CHIC2: variants seen among roughly 807,000 people sequenced by gnomAD.
CHIC2 encodes the protein cysteine rich hydrophobic domain 2.
In CHIC2, 14 loss-of-function variants were observed where a neutral mutation model predicts 25.9. That is an observed-to-expected ratio of 0.54 (90% confidence interval 0.36 to 0.85). CHIC2 has a LOEUF of 0.85. CHIC2 is among the 40% of genes least tolerant of loss of function. CHIC2 has a pLI of 0.01. For missense variants in CHIC2, 146 were observed against 202.0 expected (o/e 0.72, Z 1.68); for synonymous variants, 70 against 72.0 (o/e 0.97, Z 0.14).
At chr4:54,034,761 A>C (rs1377548802) in intron 3 of CHIC2, among the ~76,000 whole-genome samples, 1 of 152,170 alleles carries the variant, frequency 6.6e-6, no homozygotes, top group Admixed American at 6.5e-5. Context: ...CCTGGCTAGA[A>C]TCTCCAGAAT....
intron 3 of CHIC2, among the ~76,000 whole-genome samples, chr4:54,029,297 G>C (rs938573628): frequency 2.0e-5 from 3 of 152,030 alleles, no homozygotes; most frequent in African/African-American, 7.2e-5. Context: ...GTCTATCACT[G>C]TACATTAGAA....
chr4:54,064,071 C>T lies in CHIC2; in HGVS notation c.119+111G>A. 1.1e-6 allele frequency: 1 copy of T among 910,772 alleles called. No homozygotes were observed. Among genetic ancestry groups the T allele is most frequent in the Admixed American group, 2.6e-5 (1 of 37,876 alleles). The allele number at this position is 910,772 out of a possible 1,614,324, so 56.4% of individuals were successfully genotyped here. The stretch of plus-strand genomic sequence containing the variant: ...AGTTCTCACTTCCTGGTTGCCTACT[C>T]TTTCGGAAGGCCCCCGACACCAGAC... On this transcript the variant is annotated intron_variant, in intron 1 of 5. Coordinates refer to ENST00000263921, the MANE Select transcript of CHIC2 (RefSeq NM_012110.4). The surrounding 1 kb of genome is among the most constrained non-coding windows in gnomAD (Gnocchi z 4.2).
Position 54,064,591 on chromosome 4 carries a change from G to A in CHIC2, c.-291C>T. ...CGCCGCTGCCGCCGCCGCAGCAGCA[G>A]CAACTCAGGAAACCACAGCAACAGC... On this transcript the variant is annotated 5_prime_UTR_variant, in exon 1 of 6. Coordinates refer to ENST00000263921, the MANE Select transcript of CHIC2 (RefSeq NM_012110.4). The surrounding 1 kb of genome is among the most constrained non-coding windows in gnomAD (Gnocchi z 4.2). 3 of 1,241,770 alleles carry A rather than the reference G, an allele frequency of 2.4e-6. No individual in the cohort carries two copies. The highest frequency in any genetic ancestry group is 2.0e-6 in the Non-Finnish European group (2 of 989,888). The allele number at this position is 1,241,770 out of a possible 1,614,324, so 76.9% of individuals were successfully genotyped here. A position where few individuals can be genotyped will look rare whatever the true frequency, so the allele number is the denominator to read the frequency against.
At chr4:54,085,036 T>C in the CHIC2 span, among the ~76,000 whole-genome samples, 1 of 146,016 alleles carries the variant, frequency 6.8e-6, no homozygotes, top group South Asian at 2.2e-4. Context: ...TGAATTGATA[T>C]AAATAAAGTG....
At chr4:54,015,016 G>A (rs534051507) in intron 3 of CHIC2, among the ~76,000 whole-genome samples, 1 of 152,116 alleles carries the variant, frequency 6.6e-6, no homozygotes, top group Non-Finnish European at 1.5e-5. Context: ...GAAAATTTGC[G>A]TGTCAAGCAA....
At chr4:54,088,452 GA>G in the CHIC2 span, among the ~76,000 whole-genome samples, 1 of 152,056 alleles carries the variant, frequency 6.6e-6, no homozygotes, top group Non-Finnish European at 1.5e-5. Context: ...AAGCAAAAAA[GA>G]AAAAAGACAG....
chr4:54,018,604 G>A (rs1715810584), intron 3 of CHIC2, among the ~76,000 whole-genome samples: 1 of 151,794 alleles, frequency 6.6e-6, no homozygotes, highest in Non-Finnish European at 1.5e-5. Flanking sequence ...TAAAACCAAT[G>A]GAAATCTCAT....
At chr4:54,012,116 T>A (rs1388335064) in intron 5 of CHIC2, among the ~76,000 whole-genome samples, 1 of 151,886 alleles carries the variant, frequency 6.6e-6, no homozygotes, top group Admixed American at 6.6e-5. Flanking sequence ...CTCCCCAGCT[T>A]ATTATTATTT....
the CHIC2 span, among the ~76,000 whole-genome samples, chr4:54,075,760 G>T: frequency 6.6e-6 from 1 of 152,162 alleles, no homozygotes; most frequent in Non-Finnish European, 1.5e-5. Flanking sequence ...CACCATTTTG[G>T]CCAGGCTGGC....
At chr4:54,063,780 G>C (rs1412785033) in intron 1 of CHIC2, among the ~76,000 whole-genome samples, 1 of 152,232 alleles carries the variant, frequency 6.6e-6, no homozygotes, top group Non-Finnish European at 1.5e-5. Flanking sequence ...ACACGGCCCA[G>C]ATCTGGCCTC....
At chr4:54,082,774 AG>A in the CHIC2 span, among the ~76,000 whole-genome samples, 2 of 152,322 alleles carry the variant, frequency 1.3e-5, no homozygotes, top group Middle Eastern at 3.4e-3. Flanking sequence ...AGATTATACA[AG>A]TCCTTAGAGG....
chr4:54,048,889 A>T, intron 3 of CHIC2, 66 bp downstream of exon 3: 1 of 1,306,720 alleles, frequency 7.7e-7, no homozygotes, highest in South Asian at 1.7e-5. Flanking sequence ...AAAAATAAAA[A>T]CTAGATAAAT....
the CHIC2 span, among the ~76,000 whole-genome samples, chr4:54,083,018 C>CTTTTTTTTTTTTTTTT: frequency 2.5e-3 from 171 of 67,940 alleles, 1 homozygote; most frequent in Non-Finnish European, 2.9e-3. Context: ...TTCTTTCTTT[C>CTTTTTTTTTTTTTTTT]TTTTTTTTTT....
At chr4:54,035,092 C>T (rs970371941) in intron 3 of CHIC2, among the ~76,000 whole-genome samples, 2 of 152,158 alleles carry the variant, frequency 1.3e-5, no homozygotes, top group Non-Finnish European at 2.9e-5. Flanking sequence ...GGACAATGTA[C>T]TTGGCCATGT....
chr4:54,040,041 C>A (rs139028712), intron 3 of CHIC2, among the ~76,000 whole-genome samples: 70 of 152,010 alleles, frequency 4.6e-4, no homozygotes, highest in African/African-American at 1.7e-3. Flanking sequence ...TAAGAGTTGA[C>A]GAGGGTTCAA....
intron 3 of CHIC2, among the ~76,000 whole-genome samples, chr4:54,015,692 T>A (rs1715717367): frequency 6.6e-6 from 1 of 152,174 alleles, no homozygotes; most frequent in Non-Finnish European, 1.5e-5. Context: ...CTGTACTAGG[T>A]CTTTAGCACA....
At position 54,013,818 on chromosome 4, in the gene CHIC2, A is replaced by G. The variant is rs1715661717; in HGVS notation, c.447+19T>C. The stretch of plus-strand genomic sequence containing the variant: ...TGATCATTTAATAGAGAAACTCACA[A>G]AACAGCCCTTTAACTTACATATTCC... On this transcript the variant is annotated intron_variant, in intron 5 of 5. Transcript: ENST00000263921. The G allele has an allele frequency of 3.1e-6, 5 of 1,610,824 alleles. No homozygotes were observed. The highest frequency in any genetic ancestry group is 4.2e-6 in the Non-Finnish European group (5 of 1,177,738).
chr4:54,039,205 A>G (rs1026567789), intron 3 of CHIC2, among the ~76,000 whole-genome samples: 1 of 152,212 alleles, frequency 6.6e-6, no homozygotes, highest in African/African-American at 2.4e-5. Flanking sequence ...ATACAGCACA[A>G]AAGTACAATC....
At chr4:54,071,804 C>T in the CHIC2 span, among the ~76,000 whole-genome samples, 1 of 151,360 alleles carries the variant, frequency 6.6e-6, no homozygotes, top group East Asian at 1.9e-4. Context: ...GAAACCCTGT[C>T]TCTACTAAAA....
Sources: gnomAD v4.1 joint callset for allele counts (sites outside exome capture counted in the v4.1 genomes callset) on GRCh38, gnomAD v4.1.1 for gene constraint, Gnocchi (gnomAD v3.1) non-coding constraint, MANE v1.5 for transcripts, NCBI Gene and HGNC (gene_info 2026-07-23, HGNC 2026-07-21) for gene names.